Variants in SLC17A8 observed in about 807,000 individuals in gnomAD.
The protein encoded by SLC17A8 is solute carrier family 17 member 8, also known as vesicular glutamate transporter 3.
A neutral mutation model predicts 58.0 loss-of-function variants in SLC17A8; 31 were observed. The ratio of observed to expected loss-of-function variants is 0.53; its 90% CI spans 0.40 to 0.72. The LOEUF (loss-of-function observed/expected upper bound fraction) is 0.72, where lower values mean the gene tolerates loss of function less well. Ranked by LOEUF, SLC17A8 falls within the 30% of genes least tolerant of loss-of-function variation. The probability of loss-of-function intolerance (pLI) is 0.00; values close to 1 mark genes in which losing one functional copy is unlikely to be tolerated. For missense variants in SLC17A8, 655 were observed against 727.8 expected (o/e 0.90, Z 1.15); for synonymous variants, 228 against 249.0 (o/e 0.92, Z 0.79).
At chr12:100,378,588 A>G (rs1027564251) in intron 1 of SLC17A8, among the ~76,000 whole-genome samples, 1 of 152,156 alleles carries the variant, frequency 6.6e-6, no homozygotes, top group Admixed American at 6.6e-5. Context: ...GGAATGATCT[A>G]TTATACTAGG....
rs1451820582 is a variant in SLC17A8, at chr12:100,404,110, T to C, written c.1126T>C (p.Tyr376His). 6.8e-6 allele frequency: 11 copies of C among 1,614,204 alleles called. No homozygotes were observed. In the South Asian group the frequency reaches 1.2e-4, roughly 18 times the overall value. ...ACCTATTGGAGGACAATTGGCTGAT[T>C]ATTTAAGAAGCAGACAAATTTTAAC... ...VVPIGGQLAD[Y>H]LRSRQILTTT... The change falls in exon 9 of 12, where the codon TAT becomes CAT. Residue 376 changes from tyrosine (Y) to histidine (H), a missense_variant. Coordinates refer to ENST00000323346, the MANE Select transcript of SLC17A8 (RefSeq NM_139319.3).
rs548681247 is a variant in SLC17A8, at chr12:100,358,947, G to C, written c.101+1455G>C. ...GCTTGAGGCCAGAAGTTCGAGACTA[G>C]CCTGGGGAACATAGAGAGACCATGT... On this transcript the variant is annotated intron_variant, in intron 1 of 11. Transcript: ENST00000323346. 6.6e-5 allele frequency among the ~76,000 whole-genome samples: 10 copies of C among 152,210 alleles called. No individual in the cohort carries two copies. In the South Asian group the frequency reaches 2.1e-3, roughly 32 times the overall value.
At chr12:100,388,552 A>G (rs1952691969) in intron 2 of SLC17A8, among the ~76,000 whole-genome samples, 1 of 152,242 alleles carries the variant, frequency 6.6e-6, no homozygotes. Flanking sequence ...TAGAGAGTAT[A>G]GGCCAAAGTG....
Position 100,368,412 on chromosome 12 carries a change from A to G in SLC17A8, c.101+10920A>G, listed in dbSNP as rs1226948435. On this transcript the variant is annotated intron_variant, in intron 1 of 11. Coordinates refer to ENST00000323346, the MANE Select transcript of SLC17A8 (RefSeq NM_139319.3). ...ACACCAGTCATGAAATCAATCTATT[A>G]TGACCTCATGTTAACTTGATTACAT... Among the ~76,000 whole-genome samples the G allele has an allele frequency of 2.0e-5, 3 of 152,334 alleles. No individual in the cohort carries two copies. In the East Asian group the frequency reaches 5.8e-4, roughly 29 times the overall value.
intron 11 of SLC17A8, among the ~76,000 whole-genome samples, chr12:100,419,288 A>C (rs367743598): frequency 4.6e-5 from 7 of 152,310 alleles, no homozygotes; most frequent in East Asian, 1.9e-4. Context: ...TAATCCCAGC[A>C]CTTTGGGAGG....
chr12:100,365,058 C>G (rs1349989251), intron 1 of SLC17A8, among the ~76,000 whole-genome samples: 2 of 152,182 alleles, frequency 1.3e-5, no homozygotes, highest in Non-Finnish European at 2.9e-5. Context: ...AAACTGGCCC[C>G]TCTGACATGG....
chr12:100,418,563 C>T (rs146680109), intron 11 of SLC17A8, among the ~76,000 whole-genome samples: 1 of 152,304 alleles, frequency 6.6e-6, no homozygotes, highest in African/African-American at 2.4e-5. Flanking sequence ...AAGATGAGTG[C>T]TATTCTACTT....
At chr12:100,391,376 AC>A (rs1318761420) in intron 3 of SLC17A8, among the ~76,000 whole-genome samples, 3 of 73,830 alleles carry the variant, frequency 4.1e-5, no homozygotes, top group Non-Finnish European at 8.2e-5. Flanking sequence ...CCTCTGCCCC[AC>A]CCCCTCCCCC....
At chr12:100,372,508 C>A (rs1463629124) in intron 1 of SLC17A8, among the ~76,000 whole-genome samples, 1 of 152,110 alleles carries the variant, frequency 6.6e-6, no homozygotes, top group Admixed American at 6.6e-5. Flanking sequence ...TGCCACCACA[C>A]CTGGCTCAAA....
At chr12:100,381,966 T>C (rs1952641019) in intron 2 of SLC17A8, among the ~76,000 whole-genome samples, 1 of 152,238 alleles carries the variant, frequency 6.6e-6, no homozygotes, top group South Asian at 2.1e-4. Flanking sequence ...TCATAGGTAC[T>C]AGTCATATGA....
At chr12:100,361,305 C>T (rs1952482725) in intron 1 of SLC17A8, among the ~76,000 whole-genome samples, 1 of 152,236 alleles carries the variant, frequency 6.6e-6, no homozygotes, top group African/African-American at 2.4e-5. Flanking sequence ...TTTCCTGCCT[C>T]ACTCTACTCT....
intron 10 of SLC17A8, among the ~76,000 whole-genome samples, chr12:100,417,450 C>T (rs141381661): frequency 5.0e-4 from 76 of 152,298 alleles, no homozygotes; most frequent in African/African-American, 1.8e-3. Flanking sequence ...AAATAAGATT[C>T]AAGTCCAGAT....
intron 1 of SLC17A8, among the ~76,000 whole-genome samples, chr12:100,364,604 T>G (rs368178196): frequency 2.6e-5 from 4 of 152,314 alleles, no homozygotes; most frequent in African/African-American, 7.2e-5. Context: ...TCGTCTGTTT[T>G]GTGCCTCTTC....
In SLC17A8 at chr12:100,401,533, A is replaced by G. The variant is rs7966317; in HGVS notation, c.677-244A>G. Among the ~76,000 whole-genome samples, 84,519 of 151,572 alleles carry G rather than the reference A, an allele frequency of 0.56. 23,791 individuals carry two copies. Among genetic ancestry groups the G allele is most frequent in the East Asian group, 0.72 (3,695 of 5,118 alleles). Reference sequence around the variant, plus strand: ...TTCTCTCATGTAATTCCAAACTGTGATGCTGGAGCAATCTTTGTCTAAATC... The same window carrying G: ...TTCTCTCATGTAATTCCAAACTGTGGTGCTGGAGCAATCTTTGTCTAAATC... On this transcript the variant is annotated intron_variant, in intron 5 of 11. Transcript: ENST00000323346.
At chr12:100,375,731 G>A (rs976987498) in intron 1 of SLC17A8, among the ~76,000 whole-genome samples, 6 of 152,188 alleles carry the variant, frequency 3.9e-5, no homozygotes, top group African/African-American at 1.4e-4. Flanking sequence ...AATAGCAATA[G>A]TGATAGTACT....
intron 1 of SLC17A8, among the ~76,000 whole-genome samples, chr12:100,373,809 G>A (rs992269894): frequency 4.0e-5 from 6 of 151,792 alleles, no homozygotes; most frequent in South Asian, 2.1e-4. Flanking sequence ...GGCTGGTCTC[G>A]AACCCCTAAT....
chr12:100,389,056 C>T (rs534669491), intron 2 of SLC17A8, among the ~76,000 whole-genome samples: 29 of 152,228 alleles, frequency 1.9e-4, no homozygotes, highest in Non-Finnish European at 2.6e-4. Flanking sequence ...GTTCAATTTT[C>T]GGGATTCAGG....
intron 1 of SLC17A8, among the ~76,000 whole-genome samples, chr12:100,375,226 G>T (rs1484334182): frequency 2.0e-5 from 3 of 151,382 alleles, no homozygotes; most frequent in Non-Finnish European, 1.5e-5. Flanking sequence ...GAGCTCAAGT[G>T]ATCTTCCTGC....
Position 100,399,289 on chromosome 12 carries a change from C to T in SLC17A8, c.677-2488C>T, listed in dbSNP as rs532079010. Among the ~76,000 whole-genome samples, 9 of 152,198 alleles carry T rather than the reference C, an allele frequency of 5.9e-5. No homozygotes were observed. The East Asian group carries it at 1.5e-3, about 26-fold the overall frequency. ...GTCTGGGAGCAGCTGGGGGCAGCTG[C>T]AGTAAGGGCTGAGTGCCCTGTTGTT... On this transcript the variant is annotated intron_variant, in intron 5 of 11. Coordinates refer to ENST00000323346, the MANE Select transcript of SLC17A8 (RefSeq NM_139319.3).
Sources: allele counts gnomAD v4.1 joint callset (sites outside exome capture counted in the v4.1 genomes callset), GRCh38; gene constraint gnomAD v4.1.1; transcripts MANE v1.5; gene names NCBI Gene and HGNC (gene_info 2026-07-23, HGNC 2026-07-21).